MYCBP2: variants seen among roughly 807,000 people sequenced by gnomAD.
MYCBP2 encodes MYC binding protein 2, also known as E3 ubiquitin-protein ligase MYCBP2.
A neutral mutation model predicts 525.3 loss-of-function variants in MYCBP2; 120 were observed. The observed-to-expected ratio is 0.23, with a 90% CI of 0.20 to 0.27. The LOEUF is 0.27. Ranked by LOEUF, MYCBP2 falls within the 10% of genes least tolerant of loss-of-function variation. The pLI is 1.00. For synonymous variants in MYCBP2, 1,894 were observed against 1,955.8 expected (o/e 0.97, Z 0.83); for missense variants, 4,149 against 5,657.1 (o/e 0.73, Z 8.55).
chr13:77,259,774 C>T (rs1041454748), intron 13 of MYCBP2, among the ~76,000 whole-genome samples: 1 of 152,212 alleles, frequency 6.6e-6, no homozygotes, highest in Non-Finnish European at 1.5e-5. Context: ...ATTTATCACA[C>T]ATAAAATCCT....
intron 82 of MYCBP2, 99 bp from the exon 83 acceptor site, chr13:77,045,592 A>G: frequency 1.4e-6 from 1 of 730,500 alleles, no homozygotes; most frequent in South Asian, 1.8e-5. Context: ...ATTCAAAGAA[A>G]TAACATGACT....
intron 1 of MYCBP2, among the ~76,000 whole-genome samples, chr13:77,307,625 CAAAAAAAAAAAAAAA>C (rs763388200): frequency 3.3e-5 from 1 of 30,114 alleles, no homozygotes; most frequent in African/African-American, 1.3e-4. Context: ...GACCCTGTCT[CAAAAAAAAAAAAAAA>C]AAAAAAAAAA....
intron 8 of MYCBP2, among the ~76,000 whole-genome samples, chr13:77,264,927 T>G (rs1358435272): frequency 1.3e-5 from 2 of 151,974 alleles, no homozygotes; most frequent in South Asian, 4.1e-4. Flanking sequence ...GATGAATCTC[T>G]CCATTAATCA....
intron 20 of MYCBP2, among the ~76,000 whole-genome samples, chr13:77,222,943 C>A (rs762690997): frequency 6.6e-6 from 1 of 152,068 alleles, no homozygotes. Context: ...ACTGTGACTG[C>A]GAGGAAGAAT....
intron 49 of MYCBP2, among the ~76,000 whole-genome samples, chr13:77,143,874 T>A (rs2055086178): frequency 6.6e-6 from 1 of 152,186 alleles, no homozygotes; most frequent in Non-Finnish European, 1.5e-5. Flanking sequence ...TTTGCATATC[T>A]AAACATATCT....
At chr13:77,230,299 T>G (rs1172267185) in intron 18 of MYCBP2, among the ~76,000 whole-genome samples, 1 of 152,188 alleles carries the variant, frequency 6.6e-6, no homozygotes, top group Non-Finnish European at 1.5e-5. Context: ...ATCCTATAAT[T>G]TGTACCAACA....
At chr13:77,088,356 G>T (rs753136939) in intron 61 of MYCBP2, among the ~76,000 whole-genome samples, 1 of 152,044 alleles carries the variant, frequency 6.6e-6, no homozygotes, top group Non-Finnish European at 1.5e-5. Flanking sequence ...TCCCATCCAT[G>T]AAGTGGTAGG....
At position 77,185,361 on chromosome 13, in the gene MYCBP2, A is replaced by G. The variant is rs771809489; in HGVS notation, c.4461T>C (p.Val1487=). ...CTGCTAATTTGCTAGTTTCTTCTAC[A>G]ACTGCTTTTCCTGTAGCTTTGAGGG... ...IYPVSATGKA[V]VEETSKLAEC... Residue 1487 remains valine, a synonymous_variant, in exon 32 of 83, where the codon GTT becomes GTC. Transcript: ENST00000544440. 1.9e-6 allele frequency: 3 copies of G among 1,611,748 alleles called. No individual in the cohort carries two copies. Among genetic ancestry groups the G allele is most frequent in the Non-Finnish European group, 2.5e-6 (3 of 1,178,300 alleles).
intron 39 of MYCBP2, among the ~76,000 whole-genome samples, chr13:77,169,256 C>G (rs1050455083): frequency 6.6e-6 from 1 of 151,996 alleles, no homozygotes; most frequent in Non-Finnish European, 1.5e-5. Context: ...ATTAGCCGGG[C>G]GCAGTGGCGG....
At chr13:77,230,612 C>T (rs144629115) in intron 18 of MYCBP2, among the ~76,000 whole-genome samples, 4 of 152,154 alleles carry the variant, frequency 2.6e-5, no homozygotes, top group East Asian at 1.9e-4. Context: ...CTCACATAGC[C>T]GAAAGATAAT....
intron 4 of MYCBP2, among the ~76,000 whole-genome samples, chr13:77,276,999 T>C: frequency 6.6e-6 from 1 of 151,910 alleles, no homozygotes; most frequent in East Asian, 1.9e-4. Flanking sequence ...AAAGCACATA[T>C]TATATGCCAA....
intron 18 of MYCBP2, 29 bp downstream of exon 18, chr13:77,233,127 C>A: frequency 1.3e-6 from 2 of 1,576,446 alleles, no homozygotes; most frequent in South Asian, 1.1e-5. Context: ...GGAAAGTATC[C>A]CACCTAGGTG....
rs1466358202 is a variant in MYCBP2, at chr13:77,086,329, G to A, written c.10875+1155C>T. On this transcript the variant is annotated intron_variant, in intron 62 of 82. Coordinates refer to ENST00000544440, the MANE Select transcript of MYCBP2 (RefSeq NM_015057.5). ...CAAAAATTAAGCAATTATTCTCACT[G>A]TCCCTCTTTTGAAAGCTAATATTTT... 2.0e-3 allele frequency among the ~76,000 whole-genome samples: 311 copies of A among 152,142 alleles called. 2 individuals carry two copies. Among genetic ancestry groups the A allele is most frequent in the African/African-American group, 5.5e-3 (227 of 41,524 alleles).
At chr13:77,123,346 T>G (rs749585770) in intron 54 of MYCBP2, among the ~76,000 whole-genome samples, 1 of 152,226 alleles carries the variant, frequency 6.6e-6, no homozygotes, top group Non-Finnish European at 1.5e-5. Context: ...ATTAACTAAT[T>G]ACAGAGAAAA....
chr13:77,297,131 C>A (rs2078274679), intron 1 of MYCBP2, among the ~76,000 whole-genome samples: 1 of 152,168 alleles, frequency 6.6e-6, no homozygotes, highest in African/African-American at 2.4e-5. Context: ...ATGTCTCCAG[C>A]AGCCAGTCTG....
intron 1 of MYCBP2, among the ~76,000 whole-genome samples, chr13:77,311,949 A>G (rs1284438498): frequency 1.3e-5 from 2 of 152,160 alleles, no homozygotes; most frequent in Non-Finnish European, 2.9e-5. Context: ...TACACATCAA[A>G]TTAAGCTGCT....
At chr13:77,192,170 A>G (rs377007998) in intron 27 of MYCBP2, among the ~76,000 whole-genome samples, 82 of 152,376 alleles carry the variant, frequency 5.4e-4, no homozygotes, top group African/African-American at 1.9e-3. Context: ...TCATTCAGCT[A>G]AATAGTTTTG....
chr13:77,322,610 G>A (rs2081805236), intron 1 of MYCBP2, among the ~76,000 whole-genome samples: 1 of 152,216 alleles, frequency 6.6e-6, no homozygotes, highest in Non-Finnish European at 1.5e-5. Flanking sequence ...CACTTACCAG[G>A]TGCGGACATA....
At chr13:77,306,106 T>C (rs1047053114) in intron 1 of MYCBP2, among the ~76,000 whole-genome samples, 2 of 152,192 alleles carry the variant, frequency 1.3e-5, no homozygotes, top group Non-Finnish European at 2.9e-5. Flanking sequence ...TATTTGTAGA[T>C]AATTATATTT....
Sources: allele counts gnomAD v4.1 joint callset (sites outside exome capture counted in the v4.1 genomes callset), GRCh38; gene constraint gnomAD v4.1.1; transcripts MANE v1.5; gene names NCBI Gene and HGNC (gene_info 2026-07-23, HGNC 2026-07-21).